The following CHCHD6 variants were observed in gnomAD, a reference collection of about 807,000 sequenced individuals.
The protein encoded by CHCHD6 is MICOS complex subunit MIC25.
Under a neutral mutation model 32.3 loss-of-function variants are expected in CHCHD6, and 28 were observed. The ratio of observed to expected loss-of-function variants is 0.87; its 90% confidence interval spans 0.64 to 1.19. The LOEUF (loss-of-function observed/expected upper bound fraction) is 1.19. CHCHD6 is among the 50% of genes most tolerant of loss of function. CHCHD6 has a pLI of 0.00. For synonymous variants in CHCHD6, 122 were observed against 117.5 expected (o/e 1.04, Z -0.25); for missense variants, 333 against 307.0 (o/e 1.08, Z -0.63).
chr3:126,761,161 A>T (rs1937148366), intron 4 of CHCHD6, among the ~76,000 whole-genome samples: 1 of 152,226 alleles, frequency 6.6e-6, no homozygotes, highest in South Asian at 2.1e-4. Flanking sequence ...CCCCATAAGT[A>T]AAATTGTTGG....
At chr3:126,944,368 C>G (rs1004321484) in intron 6 of CHCHD6, among the ~76,000 whole-genome samples, 5 of 144,686 alleles carry the variant, frequency 3.5e-5, no homozygotes, top group African/African-American at 1.3e-4. Context: ...GCCCCAATGA[C>G]TTAATTATTG....
At chr3:126,903,697 C>T (rs887880880) in intron 5 of CHCHD6, among the ~76,000 whole-genome samples, 2 of 152,180 alleles carry the variant, frequency 1.3e-5, no homozygotes, top group African/African-American at 2.4e-5. Context: ...CCCAACTGGA[C>T]GGCCCTGCCT....
rs1308174428 is a variant in CHCHD6, at chr3:126,924,649, T to C, written c.566+9899T>C. 2.0e-5 allele frequency among the ~76,000 whole-genome samples: 3 copies of C among 152,368 alleles called. No homozygotes were observed. The East Asian group carries it at 5.8e-4, about 29-fold the overall frequency. On this transcript the variant is annotated intron_variant, in intron 6 of 7. Transcript: ENST00000290913. ...TGTTTGCCAGTCAGGGCTTGGCTTCTGACCCTCTGAGGTGTATGAGGCAAT... is the reference window on the plus strand; with the variant it reads ...TGTTTGCCAGTCAGGGCTTGGCTTCCGACCCTCTGAGGTGTATGAGGCAAT...
intron 4 of CHCHD6, among the ~76,000 whole-genome samples, chr3:126,813,124 A>G (rs1161912632): frequency 6.6e-6 from 1 of 152,234 alleles, no homozygotes; most frequent in Non-Finnish European, 1.5e-5. Context: ...GAGTAGGTCA[A>G]TAAATCTTAA....
At chr3:126,718,780 C>T (rs890124841) in intron 1 of CHCHD6, among the ~76,000 whole-genome samples, 3 of 152,216 alleles carry the variant, frequency 2.0e-5, no homozygotes, top group Non-Finnish European at 2.9e-5. Flanking sequence ...CACGCAGCCC[C>T]GTCTGGCTCC....
Position 126,852,735 on chromosome 3 carries a change from GA to G in CHCHD6, c.495+6del. On this transcript the variant is annotated splice_donor_region_variant and intron_variant, in intron 5 of 7. Coordinates refer to ENST00000290913, the MANE Select transcript of CHCHD6 (RefSeq NM_032343.3). ...CTGGAGCGTATTGAGAGGAAGGTAA[GA>G]CTCCTGCTTGGCTGCATTCCTCGGG... The G allele has an allele frequency of 6.2e-7, 1 of 1,603,920 alleles. No individual in the cohort carries two copies. The highest frequency in any genetic ancestry group is 8.5e-7 in the Non-Finnish European group (1 of 1,171,144).
At chr3:126,881,401 G>A (rs60502042) in intron 5 of CHCHD6, among the ~76,000 whole-genome samples, 8,618 of 152,226 alleles carry the variant, frequency 0.057, 774 homozygotes, top group African/African-American at 0.19. Flanking sequence ...CTCTGTGCTG[G>A]ACATGCTGAG....
chr3:126,924,979 G>A lies in CHCHD6; in HGVS notation c.566+10229G>A, dbSNP rs113497415. Among the ~76,000 whole-genome samples, 1,496 of 152,296 alleles carry A rather than the reference G, an allele frequency of 9.8e-3. 19 individuals carry two copies. The highest frequency in any genetic ancestry group is 0.016 in the Non-Finnish European group (1,059 of 68,024). ...CAGGAGCTGCTGGCCAGGTTTTTGC[G>A]TCTGTCATTTCATGTGTTAGTGGGG... On this transcript the variant is annotated intron_variant, in intron 6 of 7. Coordinates refer to ENST00000290913, the MANE Select transcript of CHCHD6 (RefSeq NM_032343.3).
chr3:126,898,063 T>C (rs1448881868), intron 5 of CHCHD6, among the ~76,000 whole-genome samples: 1 of 152,226 alleles, frequency 6.6e-6, no homozygotes, highest in East Asian at 1.9e-4. Flanking sequence ...TGATTGGCAG[T>C]GGCCTTCTCC....
Position 126,900,818 on chromosome 3 carries a change from G to C in CHCHD6, c.496-13862G>C, listed in dbSNP as rs554164370. On this transcript the variant is annotated intron_variant, in intron 5 of 7. Transcript: ENST00000290913. Reference sequence around the variant, plus strand: ...GGGGTTTCTCCATGTTGGTCAGGCTGGTCTTGAATACCTGAACTCAGGTGA... The same window carrying C: ...GGGGTTTCTCCATGTTGGTCAGGCTCGTCTTGAATACCTGAACTCAGGTGA... Among the ~76,000 whole-genome samples, 10 of 152,144 alleles carry C rather than the reference G, an allele frequency of 6.6e-5. No individual in the cohort carries two copies. In the South Asian group the frequency reaches 2.1e-3, roughly 32 times the overall value.
At chr3:126,856,946 C>T (rs1321450491) in intron 5 of CHCHD6, among the ~76,000 whole-genome samples, 1 of 152,172 alleles carries the variant, frequency 6.6e-6, no homozygotes, top group African/African-American at 2.4e-5. Context: ...TTAGGACTAA[C>T]CTGCCAGCTG....
chr3:126,753,070 T>C (rs918442537), intron 4 of CHCHD6, among the ~76,000 whole-genome samples: 1 of 152,118 alleles, frequency 6.6e-6, no homozygotes, highest in African/African-American at 2.4e-5. Context: ...GTCCTTCTCT[T>C]GGTAGCTGGT....
intron 6 of CHCHD6, among the ~76,000 whole-genome samples, chr3:126,933,555 G>A (rs942381048): frequency 2.6e-5 from 4 of 152,122 alleles, no homozygotes; most frequent in African/African-American, 7.2e-5. Context: ...AGAAGGAGCC[G>A]GTGTGTCACC....
At chr3:126,751,057 C>T (rs1329114272) in intron 4 of CHCHD6, among the ~76,000 whole-genome samples, 1 of 152,050 alleles carries the variant, frequency 6.6e-6, no homozygotes, top group African/African-American at 2.4e-5. Context: ...TGCTCTCTGG[C>T]TTTCCCTGGA....
chr3:126,937,523 G>C (rs1576625946), intron 6 of CHCHD6, among the ~76,000 whole-genome samples: 2 of 152,220 alleles, frequency 1.3e-5, no homozygotes, highest in Admixed American at 1.3e-4. Context: ...GGAGTCTGAT[G>C]GGTGACCTGG....
At chr3:126,952,975 A>T in intron 6 of CHCHD6, 24 of 985,360 alleles carry the variant, frequency 2.4e-5, no homozygotes, top group Non-Finnish European at 2.9e-5. Flanking sequence ...AGGAGGCTGG[A>T]TGTGGGGTCT....
intron 5 of CHCHD6, among the ~76,000 whole-genome samples, chr3:126,855,837 T>C (rs1410656182): frequency 6.6e-6 from 1 of 152,180 alleles, no homozygotes; most frequent in Non-Finnish European, 1.5e-5. Context: ...AAATGAGACA[T>C]CGGGTTTTAT....
At chr3:126,746,528 C>T (rs1416273886) in intron 4 of CHCHD6, among the ~76,000 whole-genome samples, 1 of 152,128 alleles carries the variant, frequency 6.6e-6, no homozygotes, top group African/African-American at 2.4e-5. Context: ...GCAGGATCCG[C>T]CCAAGAGCCT....
Position 126,957,442 on chromosome 3 carries a change from C to T in CHCHD6, c.593C>T (p.Ser198Leu). The T allele has an allele frequency of 1.2e-6, 2 of 1,611,444 alleles. No homozygotes were observed. The highest frequency in any genetic ancestry group is 2.2e-5 in the East Asian group (1 of 44,726). ...IKPRRVEPVC[S>L]GLQAQILHCY... is the part of the protein sequence containing the mutation. ...CCCCGCAGGGTGGAGCCCGTCTGCT[C>T]AGGGTTGCAGGCCCAGATTCTCCAC... The change falls in exon 7 of 8, where the codon TCA becomes TTA. Residue 198 changes from serine (S) to leucine (L), a missense_variant. Ser to Leu is a moderately radical substitution (Grantham distance 145). Transcript: ENST00000290913.
Sources: gnomAD v4.1 joint callset for allele counts (sites outside exome capture counted in the v4.1 genomes callset) on GRCh38, gnomAD v4.1.1 for gene constraint, MANE v1.5 for transcripts, NCBI Gene and HGNC (gene_info 2026-07-23, HGNC 2026-07-21) for gene names.